Variants in GRID2 observed in about 807,000 individuals in gnomAD.
The protein encoded by GRID2 is glutamate receptor ionotropic, delta-2.
In GRID2, 33 loss-of-function variants were observed where a neutral mutation model predicts 114.8. The observed-to-expected ratio is 0.29, with a 90% CI of 0.22 to 0.38. The LOEUF (loss-of-function observed/expected upper bound fraction) is 0.38. Among genes scored for constraint, GRID2 ranks in the 10% least tolerant of loss-of-function variants. The pLI, the probability that GRID2 is intolerant of heterozygous loss-of-function variation, is 1.00. For synonymous variants in GRID2, 505 were observed against 449.9 expected, an observed-to-expected ratio of 1.12 and a Z score of -1.55; for missense variants, 1,184 against 1,257.7, an observed-to-expected ratio of 0.94 and a Z score of 0.89.
At chr4:92,642,975 A>G (rs1016462282) in intron 2 of GRID2, among the ~76,000 whole-genome samples, 2 of 151,686 alleles carry the variant, frequency 1.3e-5, no homozygotes, top group Admixed American at 1.3e-4. Context: ...TTTTGTACCA[A>G]TACCATGCTA....
intron 8 of GRID2, among the ~76,000 whole-genome samples, chr4:93,330,910 C>A (rs528388402): frequency 6.6e-6 from 1 of 152,184 alleles, no homozygotes; most frequent in East Asian, 1.9e-4. Context: ...CAGCTGGGGC[C>A]ATTGGTGATT....
At chr4:93,591,459 A>C (rs184286861) in intron 13 of GRID2, among the ~76,000 whole-genome samples, 32,000 of 151,564 alleles carry the variant, frequency 0.21, 3,802 homozygotes, top group Middle Eastern at 0.34. Flanking sequence ...TCGGTTTGCC[A>C]GTATTTTATT....
intron 2 of GRID2, among the ~76,000 whole-genome samples, chr4:93,073,448 A>G (rs559192694): frequency 5.3e-5 from 8 of 152,194 alleles, no homozygotes; most frequent in Non-Finnish European, 1.0e-4. Context: ...TGTATGAAAT[A>G]TGTGTTAATA....
At chr4:93,211,524 A>C (rs1743476588) in intron 5 of GRID2, among the ~76,000 whole-genome samples, 1 of 152,156 alleles carries the variant, frequency 6.6e-6, no homozygotes, top group African/African-American at 2.4e-5. Context: ...AACTCAATAC[A>C]TGTTAGAAGT....
chr4:93,037,278 C>G (rs1013494501), intron 2 of GRID2, among the ~76,000 whole-genome samples: 1 of 152,010 alleles, frequency 6.6e-6, no homozygotes, highest in African/African-American at 2.4e-5. Flanking sequence ...GGAGAAAGAA[C>G]AAAATAAGTA....
chr4:92,752,658 C>A (rs909623627), intron 2 of GRID2, among the ~76,000 whole-genome samples: 1 of 151,990 alleles, frequency 6.6e-6, no homozygotes, highest in African/African-American at 2.4e-5. Context: ...TAGTACAGAT[C>A]GTAATATGAT....
chr4:93,265,266 T>C (rs1750696620), intron 8 of GRID2, among the ~76,000 whole-genome samples: 1 of 152,132 alleles, frequency 6.6e-6, no homozygotes, highest in Non-Finnish European at 1.5e-5. Context: ...AACCAAAAAA[T>C]GTTTTAAAAT....
intron 8 of GRID2, among the ~76,000 whole-genome samples, chr4:93,373,133 A>G (rs1763083106): frequency 6.6e-6 from 1 of 151,954 alleles, no homozygotes; most frequent in South Asian, 2.1e-4. Flanking sequence ...ATTTCCTATC[A>G]TTTCCCCACA....
At chr4:93,809,552 C>T (rs908276530) in exon 2 of GRID2, 1 of 152,142 alleles carries the variant, frequency 6.6e-6, no homozygotes, top group Middle Eastern at 3.2e-3. Context: ...ATCCAAGAAA[C>T]TTTGTAATAA....
At chr4:93,074,337 A>G (rs1729074990) in intron 2 of GRID2, among the ~76,000 whole-genome samples, 1 of 152,182 alleles carries the variant, frequency 6.6e-6, no homozygotes, top group Non-Finnish European at 1.5e-5. Flanking sequence ...AAAACAATCC[A>G]TTGTCAAGAT....
At chr4:93,120,209 C>T (rs894974586) in intron 4 of GRID2, among the ~76,000 whole-genome samples, 7 of 152,034 alleles carry the variant, frequency 4.6e-5, no homozygotes, top group East Asian at 1.9e-4. Context: ...GATCTAGAAC[C>T]AGAAATACCA....
intron 1 of GRID2, among the ~76,000 whole-genome samples, chr4:92,479,186 A>G (rs1422050891): frequency 1.3e-5 from 2 of 152,186 alleles, no homozygotes; most frequent in Non-Finnish European, 2.9e-5. Flanking sequence ...GTGTATAATT[A>G]TGATACATTA....
At chr4:93,777,915 C>T (rs1024748441), downstream of GRID2, among the ~76,000 whole-genome samples, 1 of 152,086 alleles carries the variant, frequency 6.6e-6, no homozygotes, top group South Asian at 2.1e-4. Flanking sequence ...ATTAAGTAGC[C>T]TACTTAAGTG....
At chr4:93,205,300 C>A (rs1742588591) in intron 4 of GRID2, among the ~76,000 whole-genome samples, 1 of 151,724 alleles carries the variant, frequency 6.6e-6, no homozygotes, top group African/African-American at 2.4e-5. Flanking sequence ...GTGGAGTATA[C>A]ATATATTTCA....
At chr4:92,415,770 A>ATATG (rs1731581915) in intron 1 of GRID2, among the ~76,000 whole-genome samples, 1 of 130,996 alleles carries the variant, frequency 7.6e-6, no homozygotes, top group Admixed American at 7.7e-5. Context: ...ATATATATAT[A>ATATG]TATATATATA....
chr4:92,376,904 G>A (rs770566514), intron 1 of GRID2, among the ~76,000 whole-genome samples: 3 of 152,144 alleles, frequency 2.0e-5, no homozygotes, highest in East Asian at 1.9e-4. Flanking sequence ...ACAGCATGGG[G>A]ACCCTGGGTC....
At chr4:93,485,395 T>A (rs1726285458) in intron 11 of GRID2, among the ~76,000 whole-genome samples, 1 of 151,790 alleles carries the variant, frequency 6.6e-6, no homozygotes, top group Non-Finnish European at 1.5e-5. Context: ...GCAGTCAAAT[T>A]ATCAATCTTT....
At chr4:93,519,075 C>A (rs922863717) in intron 13 of GRID2, among the ~76,000 whole-genome samples, 10 of 152,024 alleles carry the variant, frequency 6.6e-5, no homozygotes, top group African/African-American at 2.4e-4. Context: ...CCTTTCTAAA[C>A]GTGAATCTCA....
chr4:92,680,056 C>T (rs1006860628), intron 2 of GRID2, among the ~76,000 whole-genome samples: 14 of 152,016 alleles, frequency 9.2e-5, no homozygotes, highest in East Asian at 3.9e-4. Context: ...TTGGCCTGAC[C>T]GGTGAGTCCC....
Sources: gnomAD v4.1 joint callset for allele counts (sites outside exome capture counted in the v4.1 genomes callset) on GRCh38, gnomAD v4.1.1 for gene constraint, MANE v1.5 for transcripts, NCBI Gene and HGNC (gene_info 2026-07-23, HGNC 2026-07-21) for gene names.